Variants in PPP2R3A observed in about 807,000 individuals in gnomAD.
PPP2R3A encodes protein phosphatase 2 regulatory subunit B''alpha.
Under a neutral mutation model 106.9 loss-of-function variants are expected in PPP2R3A, and 80 were observed. The ratio of observed to expected loss-of-function variants is 0.75; its 90% CI spans 0.62 to 0.90. The LOEUF (loss-of-function observed/expected upper bound fraction) is 0.90. Ranked by LOEUF, PPP2R3A falls within the 40% of genes least tolerant of loss-of-function variation. PPP2R3A has a pLI of 0.00. For missense variants in PPP2R3A, 1,386 were observed against 1,350.4 expected, an observed-to-expected ratio of 1.03 and a Z score of -0.41; for synonymous variants, 483 against 468.3, an observed-to-expected ratio of 1.03 and a Z score of -0.41.
chr3:136,032,590 C>T (rs577217883), intron 3 of PPP2R3A, among the ~76,000 whole-genome samples: 1 of 151,184 alleles, frequency 6.6e-6, no homozygotes, highest in East Asian at 1.9e-4. Flanking sequence ...TGCAGTGGCT[C>T]AATCTCAGCT....
intron 13 of PPP2R3A, among the ~76,000 whole-genome samples, chr3:136,109,863 G>A (rs1319437840): frequency 1.3e-5 from 2 of 152,128 alleles, no homozygotes; most frequent in African/African-American, 4.8e-5. Flanking sequence ...ATAGTAGAAT[G>A]TATAAAATAA....
intron 13 of PPP2R3A, among the ~76,000 whole-genome samples, chr3:136,114,761 A>G (rs1002079257): frequency 2.6e-5 from 4 of 152,136 alleles, no homozygotes; most frequent in African/African-American, 9.7e-5. Flanking sequence ...GCATCTCTGG[A>G]AAAAAAGGCA....
At chr3:136,054,619 A>T (rs1935798733) in intron 5 of PPP2R3A, among the ~76,000 whole-genome samples, 21 of 152,208 alleles carry the variant, frequency 1.4e-4, no homozygotes, top group Admixed American at 1.4e-3. Flanking sequence ...CTGAATTAAC[A>T]TGCATTTAAA....
chr3:136,043,606 C>T (rs986833435), intron 4 of PPP2R3A, among the ~76,000 whole-genome samples: 2 of 152,198 alleles, frequency 1.3e-5, no homozygotes, highest in Non-Finnish European at 2.9e-5. Flanking sequence ...GACATATATT[C>T]TTCTTATAGT....
intron 10 of PPP2R3A, among the ~76,000 whole-genome samples, chr3:136,093,490 G>T (rs919513733): frequency 5.9e-5 from 9 of 152,162 alleles, no homozygotes; most frequent in Non-Finnish European, 1.0e-4. Flanking sequence ...CATGGAAGAA[G>T]ATATTTGCAG....
At chr3:136,132,890 G>GTA (rs1262169046) in intron 13 of PPP2R3A, among the ~76,000 whole-genome samples, 1 of 151,882 alleles carries the variant, frequency 6.6e-6, no homozygotes, top group Non-Finnish European at 1.5e-5. Flanking sequence ...TGTAGCACTG[G>GTA]TATATATATA....
At chr3:136,112,551 G>C (rs964729584) in intron 13 of PPP2R3A, among the ~76,000 whole-genome samples, 1 of 152,100 alleles carries the variant, frequency 6.6e-6, no homozygotes, top group East Asian at 1.9e-4. Context: ...GCCACAAAAA[G>C]AATAAGATAC....
intron 3 of PPP2R3A, among the ~76,000 whole-genome samples, chr3:136,028,148 G>A (rs1329871727): frequency 6.6e-6 from 1 of 152,136 alleles, no homozygotes; most frequent in African/African-American, 2.4e-5. Context: ...CCTCCAGAGT[G>A]GGCTTCCCCT....
chr3:136,127,105 TCTC>T (rs776697098), intron 13 of PPP2R3A, among the ~76,000 whole-genome samples: 1 of 152,100 alleles, frequency 6.6e-6, no homozygotes, highest in African/African-American at 2.4e-5. Flanking sequence ...GAGCACCTCT[TCTC>T]CTCCAAAGGA....
chr3:136,070,747 A>G (rs1190212777), intron 6 of PPP2R3A, among the ~76,000 whole-genome samples, 195 bp downstream of exon 6: 3 of 152,186 alleles, frequency 2.0e-5, no homozygotes, highest in African/African-American at 7.2e-5. Context: ...TTTGTGCCCA[A>G]TACTTACAAA....
intron 3 of PPP2R3A, among the ~76,000 whole-genome samples, chr3:136,039,412 G>A (rs75985664): frequency 0.011 from 1,628 of 152,144 alleles, 36 homozygotes; most frequent in African/African-American, 0.037. Context: ...TTACAGCAGC[G>A]GTCCCCAACC....
chr3:135,986,138 G>A lies in PPP2R3A; in HGVS notation c.-440-14921G>A, dbSNP rs112255282. Among the ~76,000 whole-genome samples the A allele has an allele frequency of 2.8e-4, 42 of 152,210 alleles. 1 individual carries two copies. The highest frequency in any genetic ancestry group is 9.4e-4 in the African/African-American group (39 of 41,540). Reference sequence around the variant, plus strand: ...CTAAAAGGGATACAGGGAAAGCAGCGTTCTCAGGGGAGAGTTCAGTTTCCA... The same window carrying A: ...CTAAAAGGGATACAGGGAAAGCAGCATTCTCAGGGGAGAGTTCAGTTTCCA... On this transcript the variant is annotated intron_variant, in intron 1 of 13. Transcript: ENST00000264977.
At chr3:136,128,439 T>C (rs1231456554) in intron 13 of PPP2R3A, among the ~76,000 whole-genome samples, 8 of 150,856 alleles carry the variant, frequency 5.3e-5, no homozygotes, top group Non-Finnish European at 1.5e-5. Flanking sequence ...TACATAATGG[T>C]AAAGGGATCA....
chr3:136,058,201 GAAAT>G (rs1362287379), intron 5 of PPP2R3A, among the ~76,000 whole-genome samples: 3 of 152,134 alleles, frequency 2.0e-5, no homozygotes, highest in Non-Finnish European at 2.9e-5. Context: ...GCAAGAGAAA[GAAAT>G]AAAGGGCATC....
intron 13 of PPP2R3A, among the ~76,000 whole-genome samples, chr3:136,144,833 C>G (rs777846020): frequency 4.6e-5 from 7 of 152,160 alleles, no homozygotes; most frequent in East Asian, 1.9e-4. Context: ...CAAATTCTGA[C>G]ATGGACTTAA....
chr3:136,034,194 C>T (rs983957406), intron 3 of PPP2R3A, among the ~76,000 whole-genome samples: 14 of 151,980 alleles, frequency 9.2e-5, no homozygotes, highest in African/African-American at 3.4e-4. Flanking sequence ...CACTACTACA[C>T]CCAGCTAATT....
intron 1 of PPP2R3A, among the ~76,000 whole-genome samples, chr3:135,969,088 A>C (rs550516675): frequency 2.6e-5 from 4 of 152,288 alleles, no homozygotes; most frequent in Non-Finnish European, 5.9e-5. Context: ...TAAACACACA[A>C]ACACATATAT....
At chr3:136,084,643 C>T (rs1470947472) in intron 8 of PPP2R3A, among the ~76,000 whole-genome samples, 1 of 152,226 alleles carries the variant, frequency 6.6e-6, no homozygotes, top group African/African-American at 2.4e-5. Flanking sequence ...GCCACAGATA[C>T]TCAATGCCAG....
intron 2 of PPP2R3A, 131 bp downstream of exon 2, chr3:136,003,624 C>A: frequency 1.4e-6 from 1 of 720,260 alleles, no homozygotes; most frequent in Non-Finnish European, 2.2e-6. Context: ...TAGGAATGAT[C>A]TCACTCAGCT....
Sources: allele counts gnomAD v4.1 joint callset (sites outside exome capture counted in the v4.1 genomes callset), GRCh38; gene constraint gnomAD v4.1.1; transcripts MANE v1.5; gene names NCBI Gene and HGNC (gene_info 2026-07-23, HGNC 2026-07-21).